Variants in ADAMTS9 observed in about 807,000 individuals in gnomAD.
ADAMTS9 encodes the protein ADAM metallopeptidase with thrombospondin type 1 motif 9.
In ADAMTS9, 107 loss-of-function variants were observed where a neutral mutation model predicts 257.1. The observed-to-expected ratio is 0.42, with a 90% CI of 0.36 to 0.49. ADAMTS9 has a LOEUF of 0.49. ADAMTS9 is among the 20% of genes least tolerant of loss of function. The pLI is 0.03. For synonymous variants in ADAMTS9, 982 were observed against 880.9 expected, an observed-to-expected ratio of 1.11 and a Z score of -2.03; for missense variants, 2,353 against 2,469.1, an observed-to-expected ratio of 0.95 and a Z score of 1.00.
intron 12 of ADAMTS9, among the ~76,000 whole-genome samples, chr3:64,641,087 G>A (rs1280023684): frequency 6.6e-6 from 1 of 151,422 alleles, no homozygotes; most frequent in Non-Finnish European, 1.5e-5. Flanking sequence ...ATTATTGGTG[G>A]GAAAAAAAGA....
intron 3 of ADAMTS9, among the ~76,000 whole-genome samples, chr3:64,671,147 G>C (rs751004836): frequency 6.6e-6 from 1 of 152,154 alleles, no homozygotes; most frequent in Non-Finnish European, 1.5e-5. Context: ...AGTGGGTAAT[G>C]GTTAAAGAAA....
intron 3 of ADAMTS9, 108 bp from the exon 4 acceptor site, chr3:64,658,899 C>G (rs1004516518): frequency 7.5e-6 from 9 of 1,203,140 alleles, no homozygotes; most frequent in Admixed American, 4.6e-5. Flanking sequence ...AAACTACATA[C>G]AAAAACAAGT....
intron 32 of ADAMTS9, 98 bp from the exon 33 acceptor site, chr3:64,542,068 G>A: frequency 1.3e-6 from 2 of 1,504,912 alleles, no homozygotes; most frequent in Non-Finnish European, 1.8e-6. Context: ...ATCATGTACA[G>A]GGTGTCACTT....
rs1559741455 is a variant in ADAMTS9 at position 64,516,652 on chromosome 3, T to C, written c.*475A>G. The C allele has an allele frequency of 6.5e-6, 1 of 152,798 alleles. No homozygotes were observed. The highest frequency in any genetic ancestry group is 1.9e-4 in the East Asian group (1 of 5,180). The allele number at this position is 152,798 out of a possible 1,614,324, so 9.5% of individuals were successfully genotyped here. A position where few individuals can be genotyped will look rare whatever the true frequency, so the allele number is the denominator to read the frequency against. ...TATCACTAACATACTTATTGGCTGA[T>C]ACTTGCCTAGAAATGCCAAAAATAT... On this transcript the variant is annotated 3_prime_UTR_variant, in exon 40 of 40. Coordinates refer to ENST00000498707, the MANE Select transcript of ADAMTS9 (RefSeq NM_182920.2).
At chr3:64,531,416 T>C (rs181238287) in intron 38 of ADAMTS9, among the ~76,000 whole-genome samples, 378 of 152,124 alleles carry the variant, frequency 2.5e-3, no homozygotes, top group African/African-American at 8.6e-3. Context: ...AGTATAACTA[T>C]GTCCCATGTA....
At chr3:64,595,755 C>G (rs2084353723) in intron 27 of ADAMTS9, among the ~76,000 whole-genome samples, 2 of 152,048 alleles carry the variant, frequency 1.3e-5, no homozygotes, top group African/African-American at 4.8e-5. Flanking sequence ...TTCATTCAGC[C>G]AAGGATGTGG....
chr3:64,631,204 C>T (rs1273348156), intron 16 of ADAMTS9, among the ~76,000 whole-genome samples: 1 of 152,080 alleles, frequency 6.6e-6, no homozygotes, highest in Non-Finnish European at 1.5e-5. Flanking sequence ...TGACTTGGGG[C>T]CTTTCTATTT....
chr3:64,610,122 T>A (rs1311612933), intron 22 of ADAMTS9, among the ~76,000 whole-genome samples: 4 of 152,176 alleles, frequency 2.6e-5, no homozygotes, highest in Non-Finnish European at 5.9e-5. Flanking sequence ...TAACCCAAAA[T>A]GGATCAGTGG....
At chr3:64,545,619 G>C (rs2083187132) in intron 32 of ADAMTS9, among the ~76,000 whole-genome samples, 1 of 152,090 alleles carries the variant, frequency 6.6e-6, no homozygotes, top group Non-Finnish European at 1.5e-5. Flanking sequence ...GGAGTTGGGG[G>C]CAGGGGGACG....
At position 64,654,552 on chromosome 3, in the gene ADAMTS9, GA is replaced by G. The variant is rs1354617834; in HGVS notation, c.1210+19del. ...TAGTAAAACGGTTTTAGCCATAGAA[GA>G]TACGCACAGAGAACTCACCTAAGGT... On this transcript the variant is annotated intron_variant, in intron 7 of 39. Transcript: ENST00000498707. The G allele has an allele frequency of 6.2e-7, 1 of 1,613,782 alleles. No individual in the cohort carries two copies. Among genetic ancestry groups the G allele is most frequent in the African/African-American group, 1.3e-5 (1 of 74,872 alleles).
Position 64,687,662 on chromosome 3 carries a change from C to G in ADAMTS9, c.-5G>C. On this transcript the variant is annotated 5_prime_UTR_variant, in exon 1 of 40. Coordinates refer to ENST00000498707, the MANE Select transcript of ADAMTS9 (RefSeq NM_182920.2). The surrounding 1 kb of genome is among the most constrained non-coding windows in gnomAD (Gnocchi z 4.4). ...GGCCCAGGATACAAACTGCATGGTG[C>G]TTCCCACCCCTCCCTCCGCTGCCCC... 6.6e-7 allele frequency: 1 copy of G among 1,521,904 alleles called. No individual in the cohort carries two copies. The highest frequency in any genetic ancestry group is 1.2e-5 in the South Asian group (1 of 81,640). 94.3% of individuals were successfully genotyped at this position (1,521,904 alleles called of 1,614,324 possible).
chr3:64,573,973 A>T (rs1014755165), intron 28 of ADAMTS9, among the ~76,000 whole-genome samples: 2 of 152,210 alleles, frequency 1.3e-5, no homozygotes, highest in Non-Finnish European at 2.9e-5. Context: ...CAACTCATAC[A>T]TGTTTACTTG....
At chr3:64,622,614 T>C (rs376432381) in intron 16 of ADAMTS9, 28 bp from the exon 17 acceptor site, 132 of 1,610,526 alleles carry the variant, frequency 8.2e-5, no homozygotes, top group Non-Finnish European at 9.3e-5. Context: ...GAATAATACA[T>C]TGATCTGCTG....
chr3:64,647,674 T>TAG lies in ADAMTS9; in HGVS notation c.1710+265_1710+266insCT, dbSNP rs757070735. On this transcript the variant is annotated intron_variant, in intron 11 of 39. Transcript: ENST00000498707. Reference sequence around the variant, plus strand: ...GGCACACTGTAATTTTAGAAATGTTTAAATGAGAGAAAGTCTTAAGTTGAC... The same window carrying TAG: ...GGCACACTGTAATTTTAGAAATGTTTAGAAATGAGAGAAAGTCTTAAGTTGAC... Among the ~76,000 whole-genome samples the TAG allele has an allele frequency of 2.5e-3, 388 of 152,342 alleles. 1 individual carries two copies. The highest frequency in any genetic ancestry group is 6.8e-3 in the Middle Eastern group (2 of 294).
chr3:64,548,512 A>G (rs1254927979), intron 31 of ADAMTS9, among the ~76,000 whole-genome samples: 2 of 152,102 alleles, frequency 1.3e-5, no homozygotes, highest in Admixed American at 6.5e-5. Context: ...TAACTTAAAC[A>G]AAGTTGTGCA....
chr3:64,659,327 G>A (rs1701166299), intron 3 of ADAMTS9, among the ~76,000 whole-genome samples: 1 of 152,040 alleles, frequency 6.6e-6, no homozygotes, highest in Non-Finnish European at 1.5e-5. Flanking sequence ...AATTAGCCAG[G>A]CATGCTGGTA....
At chr3:64,630,691 G>C (rs920538555) in intron 16 of ADAMTS9, among the ~76,000 whole-genome samples, 1 of 152,130 alleles carries the variant, frequency 6.6e-6, no homozygotes, top group Non-Finnish European at 1.5e-5. Context: ...ACCTAGGTGA[G>C]GGGTTGACAG....
chr3:64,660,013 G>A (rs1263688351), intron 3 of ADAMTS9, among the ~76,000 whole-genome samples: 3 of 152,098 alleles, frequency 2.0e-5, no homozygotes, highest in Non-Finnish European at 4.4e-5. Context: ...TATTACTGAT[G>A]AAAATACTGA....
At chr3:64,656,084 A>T in intron 4 of ADAMTS9, 1 of 459,892 alleles carries the variant, frequency 2.2e-6, no homozygotes, top group Non-Finnish European at 4.0e-6. Flanking sequence ...AGTGAATTCA[A>T]ACAAATTTAA....
Sources: allele counts gnomAD v4.1 joint callset (sites outside exome capture counted in the v4.1 genomes callset), GRCh38; gene constraint gnomAD v4.1.1; non-coding constraint Gnocchi (gnomAD v3.1); transcripts MANE v1.5; gene names NCBI Gene and HGNC (gene_info 2026-07-23, HGNC 2026-07-21).